The following PCDHGA5 variants were observed in gnomAD, a reference collection of about 807,000 sequenced individuals.
PCDHGA5 encodes protocadherin gamma-A5.
A neutral mutation model predicts 56.7 loss-of-function variants in PCDHGA5; 36 were observed. That is an observed-to-expected ratio of 0.64 (90% CI 0.49 to 0.84). The LOEUF is 0.84. Ranked by LOEUF, PCDHGA5 falls within the 40% of genes least tolerant of loss-of-function variation. The pLI is 0.00. For synonymous variants in PCDHGA5, 563 were observed against 520.2 expected (o/e 1.08, Z -1.12); for missense variants, 1,305 against 1,201.5 (o/e 1.09, Z -1.27).
At chr5:141,418,065 G>T in intron 1 of PCDHGA5, 1 of 1,614,064 alleles carries the variant, frequency 6.2e-7, no homozygotes, top group East Asian at 2.2e-5. Context: ...CTGCGAGTGA[G>T]CGCGGAGAAG....
At chr5:141,394,962 A>C (rs971000405) in intron 1 of PCDHGA5, 1 of 1,613,828 alleles carries the variant, frequency 6.2e-7, no homozygotes, top group Non-Finnish European at 8.5e-7. Context: ...GCTCAGGCTG[A>C]GGCGCTGGCA....
rs199507728 is a variant in PCDHGA5, at chr5:141,422,807, G to A, written c.2421+56056G>A. On this transcript the variant is annotated intron_variant, in intron 1 of 3. Coordinates refer to ENST00000518069, the MANE Select transcript of PCDHGA5 (RefSeq NM_018918.3). ...CAATCCTTCGACTATGAGCAGTTTC[G>A]AGACTTAGAACTGAGAGTGATAGCA... 1.9e-3 allele frequency: 3,146 copies of A among 1,614,198 alleles called. 36 individuals are homozygous for A. The highest frequency in any genetic ancestry group is 0.018 in the South Asian group (1,680 of 91,084).
At chr5:141,389,635 A>G in intron 1 of PCDHGA5, 1 of 1,612,978 alleles carries the variant, frequency 6.2e-7, no homozygotes, top group Non-Finnish European at 8.5e-7. Flanking sequence ...GAGCCTGGCT[A>G]CTTGGTGACC....
At chr5:141,395,538 T>C (rs1459118809) in intron 1 of PCDHGA5, 1 of 225,772 alleles carries the variant, frequency 4.4e-6, no homozygotes, top group Non-Finnish European at 7.1e-6. Context: ...AATTTTGCTA[T>C]TGTTTGTGTG....
Position 141,366,565 on chromosome 5 carries a change from G to C in PCDHGA5, c.2235G>C (p.Gly745=). The change falls in exon 1 of 4, where the codon GGG becomes GGC. Residue 745 remains glycine, a synonymous_variant. Transcript: ENST00000518069. ...VPASHFVGVD[G]VRAFLQTYSH... is the part of the protein sequence containing the mutation. ...CCTCGCACTTTGTGGGCGTGGATGG[G>C]GTTCGGGCTTTCCTGCAGACCTATT... 1 of 1,614,252 alleles carries C rather than the reference G, an allele frequency of 6.2e-7. No homozygotes were observed. The highest frequency in any genetic ancestry group is 8.5e-7 in the Non-Finnish European group (1 of 1,180,050).
intron 1 of PCDHGA5, chr5:141,382,788 ATCCT>A: frequency 1.1e-6 from 1 of 917,668 alleles, no homozygotes; most frequent in Non-Finnish European, 1.7e-6. Flanking sequence ...TCAAGCCTCT[ATCCT>A]GCTGGATTCT....
At chr5:141,385,309 C>G (rs774342510) in intron 1 of PCDHGA5, 1 of 1,612,276 alleles carries the variant, frequency 6.2e-7, no homozygotes, top group South Asian at 1.1e-5. Flanking sequence ...TAAAGAAAAC[C>G]TGCCAAGTAT....
At chr5:141,394,168 T>G in intron 1 of PCDHGA5, 1 of 1,613,752 alleles carries the variant, frequency 6.2e-7, no homozygotes, top group Non-Finnish European at 8.5e-7. Flanking sequence ...CCTCCTACTT[T>G]CCCTCATGCC....
intron 1 of PCDHGA5, chr5:141,420,333 A>G (rs778366534): frequency 2.1e-6 from 3 of 1,402,720 alleles, no homozygotes; most frequent in Non-Finnish European, 2.9e-6. Flanking sequence ...ATATATTCCA[A>G]TATAGTGGTA....
At chr5:141,504,135 C>G (rs758903340) in intron 2 of PCDHGA5, among the ~76,000 whole-genome samples, 215 of 152,306 alleles carry the variant, frequency 1.4e-3, no homozygotes, top group Middle Eastern at 3.4e-3. Context: ...CCCGCCAACA[C>G]TCCCCTGCAA....
intron 1 of PCDHGA5, chr5:141,422,210 T>C: frequency 6.4e-7 from 1 of 1,562,390 alleles, no homozygotes; most frequent in South Asian, 1.2e-5. Flanking sequence ...GGTGGAGGTC[T>C]CTTTACCACC....
At position 141,485,685 on chromosome 5, in the gene PCDHGA5, G is replaced by A; in HGVS notation, c.2422-9122G>A. ...GGGAGCAATTCGATTAGCAGCTATA[G>A]GCTGAGCTCCAATGAACACTTTGCA... On this transcript the variant is annotated intron_variant, in intron 1 of 3. Coordinates refer to ENST00000518069, the MANE Select transcript of PCDHGA5 (RefSeq NM_018918.3). This position sits in a 1 kb window ranked among gnomAD's most constrained non-coding sequence, Gnocchi z 5.7. 1.2e-6 allele frequency: 2 copies of A among 1,614,052 alleles called. No homozygotes were observed. The highest frequency in any genetic ancestry group is 1.3e-5 in the African/African-American group (1 of 75,072).
intron 1 of PCDHGA5, chr5:141,415,863 G>T (rs1321470910): frequency 2.7e-5 from 30 of 1,107,154 alleles, no homozygotes; most frequent in Non-Finnish European, 3.6e-5. Context: ...GTAGTTTATA[G>T]TGTTGTTGAG....
chr5:141,421,842 A>G (rs1209505923), intron 1 of PCDHGA5: 1 of 1,613,744 alleles, frequency 6.2e-7, no homozygotes, highest in Non-Finnish European at 8.5e-7. Context: ...ACCGAGAGAA[A>G]GAGGCTGCTC....
chr5:141,473,237 A>C (rs2099317600), intron 1 of PCDHGA5, among the ~76,000 whole-genome samples: 1 of 152,194 alleles, frequency 6.6e-6, no homozygotes, highest in African/African-American at 2.4e-5. Context: ...GATCCACACA[A>C]GTGAATACAT....
In PCDHGA5 at chr5:141,431,150, C is replaced by A. The variant is rs1007532359; in HGVS notation, c.2422-63657C>A. On this transcript the variant is annotated intron_variant, in intron 1 of 3. Transcript: ENST00000518069. The surrounding 1 kb of genome is among the most constrained non-coding windows in gnomAD (Gnocchi z 4.8). ...AGTAAGGGACATTAACGACAATGCGCCTTACTTTCGTGAAAGTGAATTAGA... is the reference window on the plus strand; with the variant it reads ...AGTAAGGGACATTAACGACAATGCGACTTACTTTCGTGAAAGTGAATTAGA... The A allele has an allele frequency of 1.2e-6, 2 of 1,614,226 alleles. No individual in the cohort carries two copies. The highest frequency in any genetic ancestry group is 1.7e-6 in the Non-Finnish European group (2 of 1,180,030).
Position 141,511,983 on chromosome 5 carries a change from G to C in PCDHGA5, c.*810G>C, listed in dbSNP as rs904146751. On this transcript the variant is annotated 3_prime_UTR_variant, in exon 4 of 4. Coordinates refer to ENST00000518069, the MANE Select transcript of PCDHGA5 (RefSeq NM_018918.3). ...AGGGAAGTGTGTGGATGTGGATGGT[G>C]GGGGCATGGACAAAGCTTGACACAT... 6.5e-6 allele frequency: 1 copy of C among 153,280 alleles called. No individual in the cohort carries two copies. The allele number at this position is 153,280 out of a possible 1,614,324, so 9.5% of individuals were successfully genotyped here.
At chr5:141,419,151 C>T (rs2096335413) in intron 1 of PCDHGA5, 2 of 1,613,800 alleles carry the variant, frequency 1.2e-6, no homozygotes, top group African/African-American at 2.7e-5. Context: ...GGCAAGCCTC[C>T]GTTATCCTCC....
chr5:141,375,685 C>T (rs1771752072), intron 1 of PCDHGA5: 1 of 1,614,262 alleles, frequency 6.2e-7, no homozygotes, highest in Non-Finnish European at 8.5e-7. Flanking sequence ...GGGTGACAGC[C>T]AGCGACAGCG....
Sources: allele counts gnomAD v4.1 joint callset (sites outside exome capture counted in the v4.1 genomes callset), GRCh38; gene constraint gnomAD v4.1.1; non-coding constraint Gnocchi (gnomAD v3.1); transcripts MANE v1.5; gene names NCBI Gene and HGNC (gene_info 2026-07-23, HGNC 2026-07-21).